PBRM1: variants seen among roughly 807,000 people sequenced by gnomAD.
PBRM1 encodes protein polybromo-1.
Under a neutral mutation model 194.5 loss-of-function variants are expected in PBRM1, and 27 were observed. The ratio of observed to expected loss-of-function variants is 0.14; its 90% CI spans 0.10 to 0.19. The LOEUF is 0.19. Ranked by LOEUF, PBRM1 falls within the 10% of genes least tolerant of loss-of-function variation. The pLI is 1.00. For missense variants in PBRM1, 1,466 were observed against 2,077.2 expected, an observed-to-expected ratio of 0.71 and a Z score of 5.72; for synonymous variants, 655 against 693.2, an observed-to-expected ratio of 0.94 and a Z score of 0.87.
At chr3:52,682,204 G>A (rs1022178931), upstream of PBRM1, 3 of 152,004 alleles carry the variant, frequency 2.0e-5, no homozygotes, top group African/African-American at 4.8e-5. Flanking sequence ...ACATGTGGGA[G>A]GCTCACATGT....
At chr3:52,605,718 T>C (rs548861181) in intron 16 of PBRM1, among the ~76,000 whole-genome samples, 1 of 150,402 alleles carries the variant, frequency 6.6e-6, no homozygotes, top group East Asian at 2.0e-4. Context: ...TTCTCCTGCC[T>C]CAGCCTCTCA....
intron 14 of PBRM1, among the ~76,000 whole-genome samples, chr3:52,615,845 T>C (rs776787965): frequency 3.9e-5 from 6 of 152,220 alleles, no homozygotes; most frequent in Non-Finnish European, 7.3e-5. Context: ...AAATATCTGA[T>C]AGTTGGAGAG....
At chr3:52,590,063 G>C (rs1401735017) in intron 17 of PBRM1, among the ~76,000 whole-genome samples, 1 of 151,894 alleles carries the variant, frequency 6.6e-6, no homozygotes, top group African/African-American at 2.4e-5. Flanking sequence ...CTCGACCTGA[G>C]ATCCGCCTGC....
intron 26 of PBRM1, among the ~76,000 whole-genome samples, chr3:52,556,569 T>A (rs2082267015): frequency 1.3e-5 from 2 of 152,242 alleles, no homozygotes; most frequent in African/African-American, 4.8e-5. Flanking sequence ...CTGAAAGACA[T>A]GACACTTGTC....
intron 20 of PBRM1, among the ~76,000 whole-genome samples, chr3:52,581,641 ATTCT>A (rs1189021873): frequency 6.6e-6 from 1 of 150,932 alleles, no homozygotes; most frequent in Non-Finnish European, 1.5e-5. Context: ...TTCTAAAGTA[ATTCT>A]TTTTTTTTTT....
At chr3:52,679,429 A>G (rs2097166372) in intron 1 of PBRM1, 145 bp downstream of exon 2, 1 of 686,514 alleles carries the variant, frequency 1.5e-6, no homozygotes, top group Non-Finnish European at 2.5e-6. Flanking sequence ...AGCTGAATAC[A>G]TAATGTTCAT....
intron 6 of PBRM1, among the ~76,000 whole-genome samples, chr3:52,649,075 G>A (rs1378911962): frequency 3.3e-5 from 5 of 152,156 alleles, no homozygotes; most frequent in Non-Finnish European, 7.4e-5. Flanking sequence ...AGAGAGTAAG[G>A]AAACCAAACT....
At chr3:52,561,700 T>C in intron 25 of PBRM1, 67 bp downstream of exon 27, 1 of 1,346,038 alleles carries the variant, frequency 7.4e-7, no homozygotes, top group Non-Finnish European at 1.1e-6. Context: ...GTAAAACCTG[T>C]CTGTGCGCGT....
At chr3:52,558,685 A>C (rs1456282168) in intron 25 of PBRM1, among the ~76,000 whole-genome samples, 1 of 152,222 alleles carries the variant, frequency 6.6e-6, no homozygotes, top group Admixed American at 6.5e-5. Flanking sequence ...GGTTTTATGT[A>C]AACACGTCAC....
In PBRM1 at chr3:52,657,026, A is replaced by G. The variant is rs572760205; in HGVS notation, c.645+1173T>C. ...TACAATATAGATGAATCCTGAACAT[A>G]TGCTAAGTGAAATAAGCAGTCACAG... On this transcript the variant is annotated intron_variant, in intron 5 of 29. Transcript: ENST00000296302. Among the ~76,000 whole-genome samples, 4 of 152,372 alleles carry G rather than the reference A, an allele frequency of 2.6e-5. No individual in the cohort carries two copies. The South Asian group carries it at 8.3e-4, about 32-fold the overall frequency.
intron 8 of PBRM1, among the ~76,000 whole-genome samples, chr3:52,644,060 T>C (rs1439910983): frequency 6.6e-6 from 1 of 151,866 alleles, no homozygotes; most frequent in East Asian, 1.9e-4. Flanking sequence ...ACCAAAAATA[T>C]GAATACATAC....
chr3:52,677,429 T>TTTTTTTTGTTG (rs2097130428), intron 2 of PBRM1, among the ~76,000 whole-genome samples: 1 of 141,314 alleles, frequency 7.1e-6, no homozygotes, highest in African/African-American at 2.6e-5. Flanking sequence ...TTTTTTTTTT[T>TTTTTTTTGTTG]GAGATGGAGT....
chr3:52,606,099 A>C (rs2153383414), intron 16 of PBRM1, among the ~76,000 whole-genome samples: 1 of 152,174 alleles, frequency 6.6e-6, no homozygotes, highest in South Asian at 2.1e-4. Context: ...TCCTGGCTCA[A>C]GCAATCCTCC....
At chr3:52,588,263 C>T (rs923847122) in intron 18 of PBRM1, among the ~76,000 whole-genome samples, 3 of 152,168 alleles carry the variant, frequency 2.0e-5, no homozygotes, top group Non-Finnish European at 2.9e-5. Flanking sequence ...ACATTTCCAC[C>T]AACTTCTGGC....
intron 11 of PBRM1, among the ~76,000 whole-genome samples, chr3:52,630,603 G>A (rs565604931): frequency 2.0e-5 from 3 of 152,270 alleles, no homozygotes; most frequent in South Asian, 2.1e-4. Flanking sequence ...GGAAGGGATC[G>A]TAGGCACAGT....
At chr3:52,589,249 T>A (rs956368229) in exon 18 of PBRM1, 1 of 1,525,780 alleles carries the variant, frequency 6.6e-7, no homozygotes, top group Non-Finnish European at 8.7e-7. Context: ...TTCACTCTTT[T>A]CAGCTTCTTA....
At chr3:52,658,862 G>C (rs1192377473) in intron 4 of PBRM1, among the ~76,000 whole-genome samples, 1 of 152,154 alleles carries the variant, frequency 6.6e-6, no homozygotes, top group Admixed American at 6.6e-5. Flanking sequence ...TCCTTCTACT[G>C]AACCTTTTTC....
exon 14 of PBRM1, chr3:52,617,529 GTTC>G (rs1177698902): frequency 1.9e-6 from 3 of 1,606,312 alleles, no homozygotes; most frequent in Non-Finnish European, 2.5e-6. Context: ...GCTTTCTTAT[GTTC>G]TTTTTACTGT....
intron 11 of PBRM1, among the ~76,000 whole-genome samples, chr3:52,631,610 C>A (rs2577837): frequency 6.6e-6 from 1 of 152,102 alleles, no homozygotes; most frequent in African/African-American, 2.4e-5. Context: ...CTCACTGCAA[C>A]CTCCATCTCC....
Sources: gnomAD v4.1 joint callset for allele counts (sites outside exome capture counted in the v4.1 genomes callset) on GRCh38, gnomAD v4.1.1 for gene constraint, MANE v1.5 for transcripts, NCBI Gene and HGNC (gene_info 2026-07-23, HGNC 2026-07-21) for gene names.